BAG3: variants seen among roughly 807,000 people sequenced by gnomAD.
The protein encoded by BAG3 is BAG family molecular chaperone regulator 3.
A neutral mutation model predicts 40.5 loss-of-function variants in BAG3; 14 were observed. That is an observed-to-expected ratio of 0.35 (90% CI 0.23 to 0.54). BAG3 has a LOEUF of 0.54. BAG3 is among the 20% of genes least tolerant of loss of function. The pLI is 0.91. For missense variants in BAG3, 788 were observed against 758.6 expected (o/e 1.04, Z -0.46); for synonymous variants, 302 against 307.8 (o/e 0.98, Z 0.20).
chr10:119,665,857 A>G (rs1847059189), intron 1 of BAG3, among the ~76,000 whole-genome samples: 1 of 151,976 alleles, frequency 6.6e-6, no homozygotes, highest in African/African-American at 2.4e-5. Flanking sequence ...AACGTCTTTT[A>G]GATGCAGTGC....
At chr10:119,654,081 T>G (rs142744078) in intron 1 of BAG3, among the ~76,000 whole-genome samples, 3 of 152,350 alleles carry the variant, frequency 2.0e-5, no homozygotes, top group African/African-American at 7.2e-5. Flanking sequence ...CATGAGCTGT[T>G]TGTGCTTCAT....
In BAG3 at chr10:119,651,574, G is replaced by T; in HGVS notation, c.-102G>T. 3 of 1,161,776 alleles carry T rather than the reference G, an allele frequency of 2.6e-6. No individual in the cohort carries two copies. The highest frequency in any genetic ancestry group is 2.2e-6 in the Non-Finnish European group (2 of 892,798). The allele number at this position is 1,161,776 out of a possible 1,614,324, so 72.0% of individuals were successfully genotyped here. A position where few individuals can be genotyped will look rare whatever the true frequency, so the allele number is the denominator to read the frequency against. On this transcript the variant is annotated 5_prime_UTR_variant, in exon 1 of 4. Coordinates refer to ENST00000369085, the MANE Select transcript of BAG3 (RefSeq NM_004281.4). ...TGCCCGGCGCCGGCTTCCCGGACAC[G>T]TCGGCGGCGGAGAGGGGCCCACGGC...
chr10:119,669,414 T>C (rs1244180881), intron 1 of BAG3, among the ~76,000 whole-genome samples: 1 of 152,138 alleles, frequency 6.6e-6, no homozygotes, highest in Admixed American at 6.5e-5. Flanking sequence ...TCTATATTGC[T>C]GGGAAATGTG....
chr10:119,665,092 T>TTTGTG (rs1554876558), intron 1 of BAG3, among the ~76,000 whole-genome samples: 2,044 of 87,618 alleles, frequency 0.023, 36 homozygotes, highest in Non-Finnish European at 0.027. Flanking sequence ...TAATTTTTGT[T>TTTGTG]TGTGTGTGTG....
At chr10:119,675,854 C>CCTT (rs1847220811) in intron 3 of BAG3, among the ~76,000 whole-genome samples, 1 of 62,670 alleles carries the variant, frequency 1.6e-5, no homozygotes, top group South Asian at 7.9e-4. Flanking sequence ...TTCCTTCCTG[C>CCTT]CCCCTTCCCC....
intron 1 of BAG3, among the ~76,000 whole-genome samples, chr10:119,653,333 A>C (rs1419848834): frequency 6.6e-6 from 1 of 152,202 alleles, no homozygotes; most frequent in South Asian, 2.1e-4. Flanking sequence ...CTTTCTTAGG[A>C]GTCTGCGTGG....
At chr10:119,675,328 G>C (rs561225649) in intron 3 of BAG3, among the ~76,000 whole-genome samples, 1 of 152,268 alleles carries the variant, frequency 6.6e-6, no homozygotes, top group South Asian at 2.1e-4. Flanking sequence ...GTGAGACCCT[G>C]TCCCCCACAA....
At chr10:119,670,457 G>T (rs1239883180) in intron 2 of BAG3, among the ~76,000 whole-genome samples, 1 of 152,236 alleles carries the variant, frequency 6.6e-6, no homozygotes, top group Non-Finnish European at 1.5e-5. Context: ...ACTGCAGCCT[G>T]CCTGCTCCAG....
chr10:119,666,399 G>A (rs994154261), intron 1 of BAG3, among the ~76,000 whole-genome samples: 5 of 152,146 alleles, frequency 3.3e-5, no homozygotes, highest in African/African-American at 1.2e-4. Context: ...CCTTCCCCGT[G>A]GACCAAGCCA....
intron 1 of BAG3, among the ~76,000 whole-genome samples, chr10:119,654,489 A>T (rs2134052482): frequency 6.6e-6 from 1 of 152,344 alleles, no homozygotes; most frequent in Non-Finnish European, 1.5e-5. Flanking sequence ...CTTGCAGTTG[A>T]TCTTCCGCCT....
At chr10:119,664,492 T>A (rs1456000269) in intron 1 of BAG3, among the ~76,000 whole-genome samples, 1 of 152,212 alleles carries the variant, frequency 6.6e-6, no homozygotes, top group Non-Finnish European at 1.5e-5. Context: ...CTGATGTCTT[T>A]AGCCGAGATA....
chr10:119,672,906 C>T lies in BAG3; in HGVS notation c.909+250C>T, dbSNP rs772699693. Among the ~76,000 whole-genome samples the T allele has an allele frequency of 1.4e-4, 21 of 152,256 alleles. No individual in the cohort carries two copies. The highest frequency in any genetic ancestry group is 2.2e-4 in the Non-Finnish European group (15 of 68,014). On this transcript the variant is annotated intron_variant, in intron 3 of 3. Coordinates refer to ENST00000369085, the MANE Select transcript of BAG3 (RefSeq NM_004281.4). The surrounding 1 kb of genome is among the most constrained non-coding windows in gnomAD (Gnocchi z 4.8). The stretch of plus-strand genomic sequence containing the variant: ...TGCATTGCGGCTGACTTAGAGCAGA[C>T]GAAACAGCTTGGCAGAACTTACATA...
In BAG3 at chr10:119,670,080, C is replaced by G. The variant is rs781456794; in HGVS notation, c.410C>G (p.Pro137Arg). Reference sequence around the variant, plus strand: ...GCGGCTCCTCAGAGGTCCCAGTCACCTCTGCGGGGCATGCCAGAAACCACT... The same window carrying G: ...GCGGCTCCTCAGAGGTCCCAGTCACGTCTGCGGGGCATGCCAGAAACCACT... ...AAAAPQRSQS[P>R]LRGMPETTQP... The change falls in exon 2 of 4, where the codon CCT (proline) becomes CGT (arginine). Residue 137 changes from proline (P) to arginine (R), a missense_variant. Pro to Arg is a moderately radical substitution (Grantham distance 103). Coordinates refer to ENST00000369085, the MANE Select transcript of BAG3 (RefSeq NM_004281.4). The G allele has an allele frequency of 1.2e-6, 2 of 1,614,168 alleles. No homozygotes were observed. The highest frequency in any genetic ancestry group is 1.7e-6 in the Non-Finnish European group (2 of 1,180,036).
At position 119,672,194 on chromosome 10, in the gene BAG3, AG is replaced by A. The variant is rs1206891717; in HGVS notation, c.508-59del. ...GAGGTGCACAGCAGAAGGCGTGGTCAGGATGCCAAGCCAGGGGAGTCATTTG... is the reference window on the plus strand; with the variant it reads ...GAGGTGCACAGCAGAAGGCGTGGTCAGATGCCAAGCCAGGGGAGTCATTTG... On this transcript the variant is annotated intron_variant, in intron 2 of 3. Transcript: ENST00000369085. This position sits in a 1 kb window ranked among gnomAD's most constrained non-coding sequence, Gnocchi z 4.8. The A allele has an allele frequency of 9.4e-6, 15 of 1,600,770 alleles. No homozygotes were observed. The highest frequency in any genetic ancestry group is 1.3e-5 in the Non-Finnish European group (15 of 1,175,316).
intron 2 of BAG3, among the ~76,000 whole-genome samples, chr10:119,670,730 A>C (rs1358934911): frequency 1.3e-5 from 2 of 152,234 alleles, no homozygotes; most frequent in African/African-American, 4.8e-5. Context: ...AGCTGCTTTA[A>C]GACAGCATTT....
rs746527768 is a variant in BAG3, at chr10:119,651,826, G to A, written c.151G>A (p.Asp51Asn). 5 of 1,590,960 alleles carry A rather than the reference G, an allele frequency of 3.1e-6. No individual in the cohort carries two copies. The highest frequency in any genetic ancestry group is 1.7e-4 in the Middle Eastern group (1 of 6,030). Residue 51 changes from aspartate (D) to asparagine (N), a missense_variant, in exon 1 of 4, where the codon GAC becomes AAC. Asp to Asn is a conservative substitution (Grantham distance 23, BLOSUM62 1). Coordinates refer to ENST00000369085, the MANE Select transcript of BAG3 (RefSeq NM_004281.4). ...DHNSRTTTWNDPRVPSEGPKE... is the reference protein window; with the variant it reads ...DHNSRTTTWNNPRVPSEGPKE... ...CAACAGCCGCACCACTACGTGGAAC[G>A]ACCCGCGCGTGCCCTCTGAGGGCCC...
intron 1 of BAG3, among the ~76,000 whole-genome samples, chr10:119,663,361 G>A (rs1049302323): frequency 3.9e-5 from 6 of 152,102 alleles, no homozygotes; most frequent in African/African-American, 1.2e-4. Context: ...GTGCAGTGCT[G>A]CAATCTTGGC....
At chr10:119,674,971 C>T (rs552298021) in intron 3 of BAG3, among the ~76,000 whole-genome samples, 7 of 132,194 alleles carry the variant, frequency 5.3e-5, no homozygotes, top group South Asian at 2.4e-4. Flanking sequence ...AGCGAGGCTC[C>T]GTCTCAAAAA....
intron 1 of BAG3, among the ~76,000 whole-genome samples, chr10:119,668,035 T>TG (rs1170510293): frequency 2.1e-4 from 32 of 152,358 alleles, no homozygotes; most frequent in Admixed American, 1.3e-3. Context: ...ATGTGAGGCC[T>TG]GGACCTGCTC....
Sources: allele counts gnomAD v4.1 joint callset (sites outside exome capture counted in the v4.1 genomes callset), GRCh38; gene constraint gnomAD v4.1.1; non-coding constraint Gnocchi (gnomAD v3.1); transcripts MANE v1.5; gene names NCBI Gene and HGNC (gene_info 2026-07-23, HGNC 2026-07-21).